FOXN3: variants seen among roughly 807,000 people sequenced by gnomAD.
FOXN3 encodes the protein forkhead box N3.
A neutral mutation model predicts 38.4 loss-of-function variants in FOXN3; 7 were observed. The observed-to-expected ratio is 0.18, with a 90% CI of 0.10 to 0.34. The LOEUF is 0.34. Among genes scored for constraint, FOXN3 ranks in the 10% least tolerant of loss-of-function variants. The pLI, the probability that FOXN3 is intolerant of heterozygous loss-of-function variation, is 1.00. For missense variants in FOXN3, 456 were observed against 613.4 expected (o/e 0.74, Z 2.71); for synonymous variants, 230 against 242.2 (o/e 0.95, Z 0.47).
chr14:89,230,940 G>A (rs1884788468), intron 4 of FOXN3: 1 of 452,684 alleles, frequency 2.2e-6, no homozygotes, highest in South Asian at 1.6e-5. Flanking sequence ...GCAACCCTGT[G>A]ATAAATCCCC....
chr14:89,522,348 C>A (rs558673804), intron 1 of FOXN3, among the ~76,000 whole-genome samples: 1 of 152,186 alleles, frequency 6.6e-6, no homozygotes, highest in East Asian at 1.9e-4. Flanking sequence ...AGCAGACCTG[C>A]ACTATAAGAA....
intron 4 of FOXN3, among the ~76,000 whole-genome samples, chr14:89,265,492 C>G (rs1047690966): frequency 5.9e-5 from 9 of 152,118 alleles, no homozygotes; most frequent in African/African-American, 2.2e-4. Flanking sequence ...CCCAGACACA[C>G]CAGTGTAGCC....
chr14:89,212,959 C>T (rs904659725), intron 4 of FOXN3, among the ~76,000 whole-genome samples: 2 of 152,160 alleles, frequency 1.3e-5, no homozygotes, highest in Non-Finnish European at 2.9e-5. Context: ...TTTCAAAAAG[C>T]CACTCAAAGG....
At chr14:89,377,990 C>T (rs1374055688) in intron 2 of FOXN3, among the ~76,000 whole-genome samples, 1 of 152,182 alleles carries the variant, frequency 6.6e-6, no homozygotes, top group African/African-American at 2.4e-5. Context: ...GAGAGGCCTG[C>T]AAGAAACCAA....
At chr14:89,474,600 T>C (rs1362718954) in intron 1 of FOXN3, among the ~76,000 whole-genome samples, 1 of 152,160 alleles carries the variant, frequency 6.6e-6, no homozygotes, top group Non-Finnish European at 1.5e-5. Flanking sequence ...AGCTAACAAT[T>C]TGCGGCAATC....
At chr14:89,303,830 A>C (rs1274455600) in intron 3 of FOXN3, among the ~76,000 whole-genome samples, 2 of 152,220 alleles carry the variant, frequency 1.3e-5, no homozygotes, top group Non-Finnish European at 2.9e-5. Flanking sequence ...ATAATTCACT[A>C]TTATCAGTGT....
intron 1 of FOXN3, among the ~76,000 whole-genome samples, chr14:89,432,970 C>T (rs574549537): frequency 2.0e-5 from 3 of 152,258 alleles, no homozygotes; most frequent in African/African-American, 7.2e-5. Flanking sequence ...CGTGAGCCAA[C>T]GAGCACCTGG....
chr14:89,245,047 A>G (rs549995594), intron 4 of FOXN3, among the ~76,000 whole-genome samples: 9 of 152,326 alleles, frequency 5.9e-5, no homozygotes, highest in Admixed American at 1.3e-4. Context: ...GTGCTACAGA[A>G]GGCACAGTGG....
At chr14:89,395,546 T>C (rs1891078571) in intron 2 of FOXN3, among the ~76,000 whole-genome samples, 1 of 152,078 alleles carries the variant, frequency 6.6e-6, no homozygotes, top group Non-Finnish European at 1.5e-5. Flanking sequence ...AGGTGTACAA[T>C]GACTATTTCT....
chr14:89,337,517 C>T (rs962424239), intron 3 of FOXN3, among the ~76,000 whole-genome samples: 9 of 152,100 alleles, frequency 5.9e-5, no homozygotes, highest in South Asian at 2.1e-4. Context: ...GTGCCAGTTC[C>T]GCAGAAATGT....
At chr14:89,170,706 AC>A (rs1211376651) in intron 5 of FOXN3, among the ~76,000 whole-genome samples, 1 of 152,270 alleles carries the variant, frequency 6.6e-6, no homozygotes, top group African/African-American at 2.4e-5. Context: ...TTGAGAGATA[AC>A]TGAAAACAAA....
chr14:89,315,453 A>C (rs1887692205), intron 3 of FOXN3, among the ~76,000 whole-genome samples: 2 of 152,168 alleles, frequency 1.3e-5, no homozygotes, highest in Admixed American at 1.3e-4. Context: ...ATCAAAGGCA[A>C]GGGCAGCAAA....
chr14:89,331,919 TGGAATATGTTGATCA>T, intron 3 of FOXN3, among the ~76,000 whole-genome samples: 1 of 152,352 alleles, frequency 6.6e-6, no homozygotes, highest in South Asian at 2.1e-4. Flanking sequence ...TGGTGTTCCT[TGGAATATGTTGATCA>T]GTGTGCTGTG....
In FOXN3 at chr14:89,377,312, AAAATAAAT is replaced by A. The variant is rs34397438; in HGVS notation, c.544-26512_544-26505del. Among the ~76,000 whole-genome samples the A allele has an allele frequency of 6.7e-3, 1,006 of 149,752 alleles. 11 individuals carry two copies. Among genetic ancestry groups the A allele is most frequent in the African/African-American group, 0.023 (930 of 40,764 alleles). ...CCACATCTTCACTGGATGCTGGTAA[AAAATAAAT>A]AAATAAATAAATAAATAAATAAAGG... On this transcript the variant is annotated intron_variant, in intron 2 of 5. Transcript: ENST00000557258.
At chr14:89,272,580 G>A (rs1024704218) in intron 4 of FOXN3, among the ~76,000 whole-genome samples, 4 of 151,810 alleles carry the variant, frequency 2.6e-5, no homozygotes, top group East Asian at 2.0e-4. Context: ...AGCTGCGAGC[G>A]GTGGCTCACG....
chr14:89,418,240 C>G (rs144312747), upstream of FOXN3, among the ~76,000 whole-genome samples: 1 of 151,934 alleles, frequency 6.6e-6, no homozygotes, highest in African/African-American at 2.4e-5. Flanking sequence ...CTGCCACCCC[C>G]TCCTGAGCCA....
At chr14:89,536,215 G>A (rs1566690574) in intron 1 of FOXN3, among the ~76,000 whole-genome samples, 1 of 152,168 alleles carries the variant, frequency 6.6e-6, no homozygotes, top group Non-Finnish European at 1.5e-5. Flanking sequence ...GGTAGGCCTG[G>A]TTTCAAATCC....
rs145214368 is a variant in FOXN3 at position 89,576,981 on chromosome 14, T to C, written c.-15+42047A>G. The C allele has an allele frequency of 1.2e-4, 18 of 152,314 alleles. No homozygotes were observed. In the East Asian group the frequency reaches 2.9e-3, roughly 24 times the overall value. The allele number at this position is 152,314 out of a possible 1,614,324, so 9.4% of individuals were successfully genotyped here. The stretch of plus-strand genomic sequence containing the variant: ...GTATAGTAGAATCAGAGAAAATCGC[T>C]CTAATCATTGAAAAGCGCCCTGTGC... On this transcript the variant is annotated intron_variant, in intron 1 of 6. Coordinates refer to the FOXN3 transcript ENST00000345097.
upstream of FOXN3, chr14:89,419,192 G>A (rs901968400): frequency 2.2e-6 from 1 of 456,078 alleles, no homozygotes; most frequent in East Asian, 6.9e-5. Context: ...GTGTCACCCT[G>A]AAGAGGAAGT....
Sources: allele counts gnomAD v4.1 joint callset (sites outside exome capture counted in the v4.1 genomes callset), GRCh38; gene constraint gnomAD v4.1.1; transcripts MANE v1.5; gene names NCBI Gene and HGNC (gene_info 2026-07-23, HGNC 2026-07-21).